YWHAZ: variants seen among roughly 807,000 people sequenced by gnomAD.
The protein encoded by YWHAZ is tyrosine 3-monooxygenase/tryptophan 5-monooxygenase activation protein zeta.
For missense variants in YWHAZ, 79 were observed against 284.8 expected (o/e 0.28, Z 5.20); for synonymous variants, 87 against 103.6 (o/e 0.84, Z 0.97).
upstream of YWHAZ, chr8:100,953,100 G>A (rs1810919162): frequency 7.1e-6 from 7 of 988,940 alleles, no homozygotes; most frequent in Non-Finnish European, 8.4e-6. Context: ...AGAGTTCCGA[G>A]GGGAAAGGAC....
chr8:100,935,530 G>A (rs986354418), intron 2 of YWHAZ, among the ~76,000 whole-genome samples: 2 of 152,082 alleles, frequency 1.3e-5, no homozygotes, highest in African/African-American at 4.8e-5. Context: ...GAAAACCTAA[G>A]AGATTGCTCA....
At chr8:100,946,647 T>A (rs746683011) in intron 2 of YWHAZ, among the ~76,000 whole-genome samples, 1 of 151,994 alleles carries the variant, frequency 6.6e-6, no homozygotes, top group Admixed American at 6.5e-5. Context: ...TTATACTTTG[T>A]ATATGGAAAA....
chr8:100,944,461 T>G (rs114323348), intron 2 of YWHAZ, among the ~76,000 whole-genome samples: 1 of 152,160 alleles, frequency 6.6e-6, no homozygotes, highest in Admixed American at 6.5e-5. Flanking sequence ...TCAACTGCAG[T>G]TGCCAACTGT....
At position 100,920,532 on chromosome 8, in the gene YWHAZ, A is replaced by G; in HGVS notation, c.*161T>C. The stretch of plus-strand genomic sequence containing the variant: ...AATGTTAACTGGCTCTACTCCCCTA[A>G]TATTAAACATAAAAACCACATGGGA... On this transcript the variant is annotated 3_prime_UTR_variant, in exon 6 of 6. Transcript: ENST00000395958. The G allele has an allele frequency of 1.4e-6, 1 of 693,774 alleles. No homozygotes were observed. Among genetic ancestry groups the G allele is most frequent in the Non-Finnish European group, 2.4e-6 (1 of 411,818 alleles). 43.0% of individuals were successfully genotyped at this position (693,774 alleles called of 1,614,324 possible). A position where few individuals can be genotyped will look rare whatever the true frequency, so the allele number is the denominator to read the frequency against.
intron 2 of YWHAZ, among the ~76,000 whole-genome samples, chr8:100,925,707 A>T (rs1257709857): frequency 6.6e-6 from 1 of 152,224 alleles, no homozygotes; most frequent in African/African-American, 2.4e-5. Flanking sequence ...CCCAGACAAC[A>T]GATAAAATTA....
chr8:100,950,222 C>A (rs1810607893), intron 1 of YWHAZ, among the ~76,000 whole-genome samples: 1 of 152,176 alleles, frequency 6.6e-6, no homozygotes, highest in African/African-American at 2.4e-5. Flanking sequence ...CCCTTAGGAT[C>A]TCAGAAACGC....
At chr8:100,953,102 G>T, upstream of YWHAZ, 8 of 989,956 alleles carry the variant, frequency 8.1e-6, no homozygotes, top group Non-Finnish European at 9.6e-6. Flanking sequence ...AGTTCCGAGG[G>T]GAAAGGACAG....
At position 100,918,408 on chromosome 8, in the gene YWHAZ, T is replaced by TTATATATATATATTTATA. The variant is rs1554611378; in HGVS notation, c.*2284_*2285insTATAAATATATATATATA. 15 of 41,880 alleles carry TTATATATATATATTTATA rather than the reference T, an allele frequency of 3.6e-4. No individual in the cohort carries two copies. The highest frequency in any genetic ancestry group is 4.8e-4 in the Non-Finnish European group (10 of 20,794). The allele number at this position is 41,880 out of a possible 1,614,324, so 2.6% of individuals were successfully genotyped here. A position where few individuals can be genotyped will look rare whatever the true frequency, so the allele number is the denominator to read the frequency against. On this transcript the variant is annotated 3_prime_UTR_variant, in exon 6 of 6. Transcript: ENST00000395958. ...AGTCTAGCTATAAAATATAATTACT[T>TTATATATATATATTTATA]TATATATATATATATATATATATAT...
intron 2 of YWHAZ, among the ~76,000 whole-genome samples, chr8:100,929,201 AT>A (rs200634118): frequency 0.016 from 2,190 of 138,332 alleles, 31 homozygotes; most frequent in African/African-American, 0.044. Flanking sequence ...TCAAACATTG[AT>A]TTTTTTTTTT....
rs1417316114 is a variant in YWHAZ, at chr8:100,918,443, T to TATATATATATATATATATA, written c.*2249_*2250insTATATATATATATATATAT. The stretch of plus-strand genomic sequence containing the variant: ...ATATATATATATATATATATATATA[T>TATATATATATATATATATA]AATTATTTTACCTCCTTGGCTTGGG... On this transcript the variant is annotated 3_prime_UTR_variant, in exon 6 of 6. Coordinates refer to ENST00000395958, the MANE Select transcript of YWHAZ (RefSeq NM_145690.3). The TATATATATATATATATATA allele has an allele frequency of 5.1e-5, 6 of 117,048 alleles. No individual in the cohort carries two copies. In the East Asian group the frequency reaches 1.2e-3, roughly 24 times the overall value. 7.3% of individuals were successfully genotyped at this position (117,048 alleles called of 1,614,324 possible).
At position 100,948,629 on chromosome 8, in the gene YWHAZ, C is replaced by T. The variant is rs41473144; in HGVS notation, c.261G>A (p.Glu87=). The part of the protein sequence containing the change: ...QMAREYREKI[E]TELRDICNDV... ...CATTGCAGATATCTCTTAGCTCCGT[C>T]TCAATTTTCTCTCTGTATTCTCGAG... is the stretch of plus-strand genomic sequence containing the variant. Residue 87 remains glutamate, a synonymous_variant, in exon 2 of 6, where the codon GAG becomes GAA. Coordinates refer to ENST00000395958, the MANE Select transcript of YWHAZ (RefSeq NM_145690.3). The surrounding 1 kb of genome is among the most constrained non-coding windows in gnomAD (Gnocchi z 4.2). The T allele has an allele frequency of 0.053, 86,047 of 1,611,016 alleles. 2,555 individuals are homozygous for T. Among genetic ancestry groups the T allele is most frequent in the Non-Finnish European group, 0.061 (72,336 of 1,179,820 alleles).
At chr8:100,950,657 T>TTGGGGGGG (rs71276929) in intron 1 of YWHAZ, 2 of 722,746 alleles carry the variant, frequency 2.8e-6, no homozygotes, top group Non-Finnish European at 1.6e-6. Context: ...GCCCAAGCCG[T>TTGGGGGGG]GGGGGGGGGG....
At chr8:100,943,057 T>C (rs769160505) in intron 2 of YWHAZ, among the ~76,000 whole-genome samples, 2 of 152,204 alleles carry the variant, frequency 1.3e-5, no homozygotes, top group African/African-American at 2.4e-5. Flanking sequence ...CATCAACAGC[T>C]TGTAATCTGA....
intron 2 of YWHAZ, among the ~76,000 whole-genome samples, chr8:100,930,576 G>A (rs563033023): frequency 6.6e-6 from 1 of 152,300 alleles, no homozygotes; most frequent in South Asian, 2.1e-4. Flanking sequence ...GAATCTTCCT[G>A]AAATATAATC....
upstream of YWHAZ, chr8:100,952,707 G>A (rs1372459150): frequency 3.6e-6 from 3 of 838,930 alleles, no homozygotes; most frequent in East Asian, 1.2e-4. Context: ...GGGCCCCGGG[G>A]CGGGGGCAGG....
intron 2 of YWHAZ, among the ~76,000 whole-genome samples, chr8:100,930,376 T>C (rs536837987): frequency 2.0e-5 from 3 of 152,262 alleles, no homozygotes; most frequent in Admixed American, 2.0e-4. Flanking sequence ...GGATTACAGG[T>C]GTGAGCCACC....
chr8:100,932,986 T>C (rs970121070), intron 2 of YWHAZ, among the ~76,000 whole-genome samples: 2 of 152,186 alleles, frequency 1.3e-5, no homozygotes, highest in Non-Finnish European at 2.9e-5. Context: ...ACCAGTAAGT[T>C]TGAGCAACCC....
At chr8:100,947,309 T>C (rs1810371332) in intron 2 of YWHAZ, among the ~76,000 whole-genome samples, 1 of 149,200 alleles carries the variant, frequency 6.7e-6, no homozygotes, top group African/African-American at 2.5e-5. Context: ...CTTAGCAAAA[T>C]CACAAAACAG....
At chr8:100,921,699 T>C (rs1813037371) in intron 5 of YWHAZ, among the ~76,000 whole-genome samples, 1 of 152,240 alleles carries the variant, frequency 6.6e-6, no homozygotes. Flanking sequence ...CCCTATCATA[T>C]GATTCAAAAT....
Sources: gnomAD v4.1 joint callset for allele counts (sites outside exome capture counted in the v4.1 genomes callset) on GRCh38, gnomAD v4.1.1 for gene constraint, Gnocchi (gnomAD v3.1) non-coding constraint, MANE v1.5 for transcripts, NCBI Gene and HGNC (gene_info 2026-07-23, HGNC 2026-07-21) for gene names.